Variants in EPM2A observed in about 807,000 individuals in gnomAD.
EPM2A encodes the protein laforin.
EPM2A carries 21 observed loss-of-function variants against 26.5 expected under a neutral mutation model. The ratio of observed to expected loss-of-function variants is 0.79; its 90% confidence interval spans 0.56 to 1.14. The LOEUF (loss-of-function observed/expected upper bound fraction) is 1.14, where lower values mean the gene tolerates loss of function less well. EPM2A is among the 50% of genes most tolerant of loss of function. The probability of loss-of-function intolerance (pLI) is 0.00; values close to 1 mark genes in which losing one functional copy is unlikely to be tolerated. For synonymous variants in EPM2A, 217 were observed against 177.6 expected (o/e 1.22, Z -1.76); for missense variants, 458 against 440.8 (o/e 1.04, Z -0.35).
At chr6:145,461,975 T>C (rs1779333060) in intron 4 of EPM2A, among the ~76,000 whole-genome samples, 1 of 152,190 alleles carries the variant, frequency 6.6e-6, no homozygotes, top group Non-Finnish European at 1.5e-5. Flanking sequence ...TGCAAAAGCG[T>C]AAGCTCAGGA....
chr6:145,735,350 C>A lies in EPM2A; in HGVS notation c.149G>T (p.Gly50Val), dbSNP rs796052422. The part of the protein sequence containing the change: ...LRPAGTAAGD[G>V]ALALQEPGLW... ...GCCCGGCTCCTGCAGGGCCAGGGCCCCGTCGCCCGCCGCGGTGCCGGCCGG... is the reference window on the plus strand; with the variant it reads ...GCCCGGCTCCTGCAGGGCCAGGGCCACGTCGCCCGCCGCGGTGCCGGCCGG... The change falls in exon 1 of 4, where the codon GGG becomes GTG. Residue 50 changes from glycine (G) to valine (V), a missense_variant. Physicochemically the swap from Gly to Val is moderately radical, Grantham distance 109. Transcript: ENST00000367519. The A allele has an allele frequency of 2.3e-6, 3 of 1,309,762 alleles. No individual in the cohort carries two copies. The highest frequency in any genetic ancestry group is 1.9e-5 in the South Asian group (1 of 53,706). The allele number at this position is 1,309,762 out of a possible 1,614,324, so 81.1% of individuals were successfully genotyped here.
At chr6:145,563,055 G>T (rs1466719954) in intron 2 of EPM2A, among the ~76,000 whole-genome samples, 4 of 151,742 alleles carry the variant, frequency 2.6e-5, no homozygotes, top group African/African-American at 9.7e-5. Flanking sequence ...GGAGAGCAAG[G>T]CAGACACTCG....
At chr6:145,463,741 G>A (rs1779354052) in intron 4 of EPM2A, among the ~76,000 whole-genome samples, 1 of 151,988 alleles carries the variant, frequency 6.6e-6, no homozygotes, top group African/African-American at 2.4e-5. Context: ...AGGCAAGTGG[G>A]GCTTATTTCT....
At chr6:145,532,796 T>C (rs1004772602) in intron 2 of EPM2A, among the ~76,000 whole-genome samples, 9 of 152,316 alleles carry the variant, frequency 5.9e-5, no homozygotes, top group Admixed American at 5.9e-4. Context: ...TCCCTTCCAC[T>C]GAAATATTTT....
At chr6:145,540,247 C>A (rs958789862) in intron 2 of EPM2A, among the ~76,000 whole-genome samples, 3 of 152,112 alleles carry the variant, frequency 2.0e-5, no homozygotes, top group Admixed American at 2.0e-4. Flanking sequence ...ATAAACTGAA[C>A]TTTAAAACAC....
At chr6:145,728,426 G>A (rs1439286660) in intron 1 of EPM2A, among the ~76,000 whole-genome samples, 4 of 152,322 alleles carry the variant, frequency 2.6e-5, no homozygotes, top group East Asian at 1.9e-4. Context: ...CCAGGCTGAG[G>A]TGGTCTCAGC....
chr6:145,439,543 G>C (rs1258074696), intron 4 of EPM2A, among the ~76,000 whole-genome samples: 1 of 152,098 alleles, frequency 6.6e-6, no homozygotes, highest in African/African-American at 2.4e-5. Flanking sequence ...TCATGGTTTT[G>C]ATTTGCATTT....
intron 2 of EPM2A, among the ~76,000 whole-genome samples, chr6:145,515,754 T>G (rs186291962): frequency 3.3e-5 from 5 of 152,254 alleles, no homozygotes; most frequent in African/African-American, 7.2e-5. Flanking sequence ...GCACCACAAT[T>G]TATAGGTCTT....
At chr6:145,509,910 A>G (rs1450578852) in intron 2 of EPM2A, among the ~76,000 whole-genome samples, 2 of 152,172 alleles carry the variant, frequency 1.3e-5, no homozygotes, top group Non-Finnish European at 2.9e-5. Context: ...TCAAATGGAA[A>G]ACAAAAAGGA....
chr6:145,385,038 G>T (rs9497285), intron 4 of EPM2A, among the ~76,000 whole-genome samples: 43,436 of 146,892 alleles, frequency 0.3, 9,444 homozygotes, highest in Middle Eastern at 0.37. Context: ...AAATAGCATC[G>T]CATGAATAAA....
intron 2 of EPM2A, among the ~76,000 whole-genome samples, chr6:145,595,885 T>C (rs547658273): frequency 6.6e-6 from 1 of 152,282 alleles, no homozygotes; most frequent in East Asian, 1.9e-4. Flanking sequence ...ATGACAACAA[T>C]AGTGTGCATC....
intron 4 of EPM2A, among the ~76,000 whole-genome samples, chr6:145,434,024 A>T (rs531026057): frequency 4.6e-4 from 70 of 151,810 alleles, no homozygotes; most frequent in Middle Eastern, 3.4e-3. Flanking sequence ...TTCTTTTTTT[A>T]AAAAAAATCT....
intron 4 of EPM2A, among the ~76,000 whole-genome samples, chr6:145,421,212 G>A (rs2114683477): frequency 6.6e-6 from 1 of 152,218 alleles, no homozygotes; most frequent in South Asian, 2.1e-4. Context: ...TACAGTATAT[G>A]ATATGCTGTA....
At chr6:145,467,855 A>T (rs1391825807) in intron 4 of EPM2A, among the ~76,000 whole-genome samples, 2 of 151,926 alleles carry the variant, frequency 1.3e-5, no homozygotes, top group African/African-American at 4.8e-5. Context: ...TTCTGCTGCT[A>T]TTCTGATTGG....
intron 2 of EPM2A, among the ~76,000 whole-genome samples, chr6:145,585,602 T>C (rs1273185322): frequency 6.6e-6 from 1 of 152,206 alleles, no homozygotes; most frequent in Non-Finnish European, 1.5e-5. Flanking sequence ...TATCCTTGTC[T>C]ACTGAATCTA....
chr6:145,415,215 G>A (rs571414897), intron 4 of EPM2A, among the ~76,000 whole-genome samples: 2 of 152,344 alleles, frequency 1.3e-5, no homozygotes, highest in South Asian at 2.1e-4. Flanking sequence ...CACATCAAAA[G>A]AAATGGAGAA....
At chr6:145,499,443 T>G (rs1483911370), downstream of EPM2A, among the ~76,000 whole-genome samples, 1 of 152,244 alleles carries the variant, frequency 6.6e-6, no homozygotes, top group Non-Finnish European at 1.5e-5. Context: ...CTTCTTATAC[T>G]TTCAAATCAT....
intron 1 of EPM2A, among the ~76,000 whole-genome samples, chr6:145,721,975 C>T (rs1174223412): frequency 6.6e-6 from 1 of 152,148 alleles, no homozygotes; most frequent in African/African-American, 2.4e-5. Context: ...TTTAATTTGC[C>T]CTAATATTAG....
At chr6:145,634,495 A>C (rs1776504620) in intron 3 of EPM2A, 1 of 151,616 alleles carries the variant, frequency 6.6e-6, no homozygotes, top group Non-Finnish European at 1.5e-5. Context: ...CACGGTCCTC[A>C]CTCCTCTCTT....
Sources: gnomAD v4.1 joint callset for allele counts (sites outside exome capture counted in the v4.1 genomes callset) on GRCh38, gnomAD v4.1.1 for gene constraint, MANE v1.5 for transcripts, NCBI Gene and HGNC (gene_info 2026-07-23, HGNC 2026-07-21) for gene names.